Variants in FAF2 observed in about 807,000 individuals in gnomAD.
FAF2 encodes the protein FAS-associated factor 2.
Under a neutral mutation model 62.3 loss-of-function variants are expected in FAF2, and 9 were observed. That is an observed-to-expected ratio of 0.14 (90% CI 0.09 to 0.25). The LOEUF (loss-of-function observed/expected upper bound fraction) is 0.25, where lower values mean the gene tolerates loss of function less well. Among genes scored for constraint, FAF2 ranks in the 10% least tolerant of loss-of-function variants. The pLI, the probability that FAF2 is intolerant of heterozygous loss-of-function variation, is 1.00. For missense variants in FAF2, 368 were observed against 556.2 expected, an observed-to-expected ratio of 0.66 and a Z score of 3.40; for synonymous variants, 202 against 198.0, an observed-to-expected ratio of 1.02 and a Z score of -0.17.
At chr5:176,479,393 A>G in intron 2 of FAF2, 137 bp downstream of exon 2, 1 of 706,348 alleles carries the variant, frequency 1.4e-6, no homozygotes, top group East Asian at 2.6e-5. Context: ...AAGTGCAGGA[A>G]GGTAAAGAAT....
chr5:176,465,421 G>A (rs1017931648), intron 1 of FAF2, among the ~76,000 whole-genome samples: 2 of 143,578 alleles, frequency 1.4e-5, no homozygotes, highest in African/African-American at 5.3e-5. Flanking sequence ...AGGCTGGAGT[G>A]CAATGACACA....
chr5:176,495,756 A>G (rs1759048442), intron 7 of FAF2, among the ~76,000 whole-genome samples: 1 of 151,622 alleles, frequency 6.6e-6, no homozygotes. Flanking sequence ...AAGTGATCCA[A>G]CCACCTCCGC....
intron 1 of FAF2, among the ~76,000 whole-genome samples, chr5:176,460,155 C>T (rs142746392): frequency 0.011 from 1,749 of 152,224 alleles, 45 homozygotes; most frequent in African/African-American, 0.04. Context: ...TAGGTTGATT[C>T]CATGTCTTTG....
At chr5:176,499,229 TACA>T in intron 9 of FAF2, 144 bp downstream of exon 9, 1 of 710,720 alleles carries the variant, frequency 1.4e-6, no homozygotes, top group East Asian at 3.2e-5. Context: ...AAGAAAAAAT[TACA>T]ACATGTTGGA....
intron 2 of FAF2, among the ~76,000 whole-genome samples, chr5:176,481,549 CG>C (rs1758784240): frequency 6.6e-6 from 1 of 151,658 alleles, no homozygotes; most frequent in African/African-American, 2.4e-5. Flanking sequence ...CCCAGCTACT[CG>C]GGAGGCTGAG....
In FAF2 at chr5:176,507,188, G is replaced by T; in HGVS notation, c.*238G>T. The T allele has an allele frequency of 2.7e-6, 1 of 366,652 alleles. No homozygotes were observed. The highest frequency in any genetic ancestry group is 5.4e-6 in the Non-Finnish European group (1 of 186,562). The allele number at this position is 366,652 out of a possible 1,614,324, so 22.7% of individuals were successfully genotyped here. The stretch of plus-strand genomic sequence containing the variant: ...GGTTAGCAACAAACGTACCCGCTTG[G>T]CAAGCCCACCCTTCCTGTGGCCTCT... On this transcript the variant is annotated 3_prime_UTR_variant, in exon 11 of 11. Transcript: ENST00000261942.
In FAF2 at chr5:176,451,815, C is replaced by CAT. The variant is rs750389365; in HGVS notation, c.63+3357_63+3358dup. ...ATATATATACATATATATATACACA[C>CAT]ATATATATATATACATATATATATA... On this transcript the variant is annotated intron_variant, in intron 1 of 10. Transcript: ENST00000261942. Among the ~76,000 whole-genome samples the CAT allele has an allele frequency of 9.1e-4, 23 of 25,230 alleles. 5 individuals carry two copies. In the East Asian group the frequency reaches 0.022, roughly 25 times the overall value. The allele number at this position is 25,230 out of a possible 152,430, so 16.6% of individuals were successfully genotyped here. A position where few individuals can be genotyped will look rare whatever the true frequency, so the allele number is the denominator to read the frequency against.
At chr5:176,495,659 G>A (rs927416199) in intron 7 of FAF2, among the ~76,000 whole-genome samples, 3 of 151,924 alleles carry the variant, frequency 2.0e-5, no homozygotes, top group South Asian at 4.2e-4. Flanking sequence ...TTACAGGCGC[G>A]TACCACCACA....
rs1197236142 is a variant in FAF2, at chr5:176,508,661, A to G, written c.*1711A>G. On this transcript the variant is annotated 3_prime_UTR_variant, in exon 11 of 11. Transcript: ENST00000261942. ...GGAAAATTTAATTCTGTCCCTGGCC[A>G]GCTATTGTTCTTCCACTTCGTTTTC... 6.6e-6 allele frequency: 1 copy of G among 152,206 alleles called. No homozygotes were observed. Among genetic ancestry groups the G allele is most frequent in the Non-Finnish European group, 1.5e-5 (1 of 68,050 alleles). The allele number at this position is 152,206 out of a possible 1,614,324, so 9.4% of individuals were successfully genotyped here.
intron 1 of FAF2, among the ~76,000 whole-genome samples, chr5:176,463,888 C>T (rs969957868): frequency 2.0e-5 from 3 of 152,008 alleles, no homozygotes; most frequent in Non-Finnish European, 4.4e-5. Flanking sequence ...CACCACCACA[C>T]CTGGCTAATT....
chr5:176,480,957 T>C (rs1456100836), intron 2 of FAF2, among the ~76,000 whole-genome samples: 4 of 152,028 alleles, frequency 2.6e-5, no homozygotes, highest in African/African-American at 9.7e-5. Flanking sequence ...TAAAGTATAA[T>C]TTAAAAAAAT....
intron 1 of FAF2, among the ~76,000 whole-genome samples, chr5:176,467,445 C>T (rs1274230671): frequency 6.6e-6 from 1 of 152,042 alleles, no homozygotes; most frequent in East Asian, 1.9e-4. Flanking sequence ...ATTCTTGTGC[C>T]TCAGCCACCC....
intron 1 of FAF2, among the ~76,000 whole-genome samples, chr5:176,464,896 C>CT (rs374309178): frequency 1.3e-3 from 191 of 151,062 alleles, no homozygotes; most frequent in Admixed American, 2.3e-3. Context: ...TAGGCACTTT[C>CT]TTTTTTTTTG....
intron 4 of FAF2, among the ~76,000 whole-genome samples, chr5:176,491,837 C>T (rs575595752): frequency 1.3e-5 from 2 of 152,328 alleles, no homozygotes; most frequent in East Asian, 1.9e-4. Context: ...CGGTGCCATT[C>T]TAGAGAGTCT....
At position 176,456,084 on chromosome 5, in the gene FAF2, T is replaced by G. The variant is rs181701577; in HGVS notation, c.63+7614T>G. On this transcript the variant is annotated intron_variant, in intron 1 of 10. Transcript: ENST00000261942. ...GTCATGAAGACTGACTGGGTTTGTT[T>G]GATTGAGACAGAGTTTTGCTCTTGT... Among the ~76,000 whole-genome samples, 41 of 152,294 alleles carry G rather than the reference T, an allele frequency of 2.7e-4. No individual in the cohort carries two copies. In the East Asian group the frequency reaches 7.7e-3, roughly 29 times the overall value.
intron 10 of FAF2, among the ~76,000 whole-genome samples, chr5:176,502,850 C>G (rs776019282): frequency 6.6e-5 from 10 of 151,660 alleles, no homozygotes; most frequent in Non-Finnish European, 1.2e-4. Flanking sequence ...GAGTTCCAAA[C>G]CAGCCTGGCC....
At chr5:176,500,846 G>A (rs533722736) in intron 10 of FAF2, among the ~76,000 whole-genome samples, 9 of 151,856 alleles carry the variant, frequency 5.9e-5, no homozygotes, top group East Asian at 1.9e-4. Context: ...TAATAAGCAC[G>A]GCTGGGCCCC....
intron 10 of FAF2, among the ~76,000 whole-genome samples, chr5:176,502,711 C>T (rs1196729238): frequency 2.0e-5 from 3 of 152,062 alleles, no homozygotes; most frequent in African/African-American, 7.2e-5. Context: ...ACTATTTGAT[C>T]CTTGAAGACT....
chr5:176,471,792 C>T (rs958403614), intron 1 of FAF2, among the ~76,000 whole-genome samples: 7 of 150,728 alleles, frequency 4.6e-5, no homozygotes, highest in African/African-American at 1.7e-4. Context: ...CGGGTTCAAG[C>T]AGTTTTCCTG....
Sources: allele counts gnomAD v4.1 joint callset (sites outside exome capture counted in the v4.1 genomes callset), GRCh38; gene constraint gnomAD v4.1.1; transcripts MANE v1.5; gene names NCBI Gene and HGNC (gene_info 2026-07-23, HGNC 2026-07-21).